ZNF496: variants seen among roughly 807,000 people sequenced by gnomAD.
ZNF496 encodes the protein zinc finger protein 496.
ZNF496 carries 11 observed loss-of-function variants against 58.9 expected under a neutral mutation model. That is an observed-to-expected ratio of 0.19 (90% CI 0.12 to 0.31). The LOEUF (loss-of-function observed/expected upper bound fraction) is 0.31, where lower values mean the gene tolerates loss of function less well. ZNF496 is among the 10% of genes least tolerant of loss of function. The pLI, the probability that ZNF496 is intolerant of heterozygous loss-of-function variation, is 1.00. For synonymous variants in ZNF496, 338 were observed against 318.2 expected (o/e 1.06, Z -0.66); for missense variants, 660 against 783.0 (o/e 0.84, Z 1.88).
At chr1:247,321,707 G>A (rs1039043102) in intron 6 of ZNF496, among the ~76,000 whole-genome samples, 1 of 152,220 alleles carries the variant, frequency 6.6e-6, no homozygotes, top group Non-Finnish European at 1.5e-5. Context: ...TGCAGGAATT[G>A]AAAGATGAAG....
At chr1:247,301,942 C>G (rs4925615) in intron 9 of ZNF496, among the ~76,000 whole-genome samples, 92,791 of 151,904 alleles carry the variant, frequency 0.61, 28,840 homozygotes, top group Middle Eastern at 0.8. Context: ...TCCCCGGCTC[C>G]CAGTAGCACC....
chr1:247,304,111 C>G (rs1190449386), intron 9 of ZNF496: 1 of 402,878 alleles, frequency 2.5e-6, no homozygotes, highest in African/African-American at 2.1e-5. Flanking sequence ...TTCTGGGATT[C>G]TACAAACTGG....
chr1:247,324,197 TA>T (rs1220276592), intron 5 of ZNF496, among the ~76,000 whole-genome samples: 2 of 151,858 alleles, frequency 1.3e-5, no homozygotes, highest in Admixed American at 1.3e-4. Context: ...AAAGACATGC[TA>T]CGAGCAATAA....
Position 247,323,242 on chromosome 1 carries a change from C to G in ZNF496, c.575-12G>C. 1 of 1,612,590 alleles carries G rather than the reference C, an allele frequency of 6.2e-7. No individual in the cohort carries two copies. Among genetic ancestry groups the G allele is most frequent in the South Asian group, 1.1e-5 (1 of 91,018 alleles). Reference sequence around the variant, plus strand: ...AGCATCTTGCAGAACTGAAAGAGATCAGAAAATGGTGTCCTAAAGTGGGCC... The same window carrying G: ...AGCATCTTGCAGAACTGAAAGAGATGAGAAAATGGTGTCCTAAAGTGGGCC... On this transcript the variant is annotated splice_polypyrimidine_tract_variant and intron_variant, in intron 5 of 9. Coordinates refer to ENST00000682384, the MANE Select transcript of ZNF496 (RefSeq NM_032752.3).
At chr1:247,324,732 AT>A (rs969871844) in intron 5 of ZNF496, among the ~76,000 whole-genome samples, 8 of 151,652 alleles carry the variant, frequency 5.3e-5, no homozygotes, top group African/African-American at 1.5e-4. Context: ...AATACATACA[AT>A]TTTTTTTTGT....
chr1:247,320,860 T>G (rs1309677987), intron 6 of ZNF496, among the ~76,000 whole-genome samples: 4 of 151,912 alleles, frequency 2.6e-5, no homozygotes, highest in Admixed American at 2.0e-4. Flanking sequence ...CACATGGGAG[T>G]ATTATTCAAC....
At chr1:247,307,806 C>T (rs1659464303) in intron 9 of ZNF496, 2 of 985,222 alleles carry the variant, frequency 2.0e-6, no homozygotes, top group East Asian at 1.1e-4. Flanking sequence ...GAATCAGAGG[C>T]TTGGGTTTTG....
intron 9 of ZNF496, among the ~76,000 whole-genome samples, chr1:247,302,224 C>T: frequency 6.6e-6 from 1 of 151,986 alleles, no homozygotes. Flanking sequence ...GGCTTCATGA[C>T]TGTGGGGAGG....
intron 9 of ZNF496, chr1:247,307,888 A>G: frequency 2.0e-6 from 2 of 985,186 alleles, no homozygotes; most frequent in African/African-American, 3.5e-5. Context: ...AAGACGACTC[A>G]GAGTCTACAC....
intron 6 of ZNF496, among the ~76,000 whole-genome samples, chr1:247,316,161 T>C (rs1189742198): frequency 7.5e-6 from 1 of 133,534 alleles, no homozygotes; most frequent in African/African-American, 2.7e-5. Context: ...TGTGTGTGTG[T>C]GTGTGTGTGT....
At chr1:247,316,076 G>A (rs1439436582) in intron 6 of ZNF496, among the ~76,000 whole-genome samples, 1 of 151,728 alleles carries the variant, frequency 6.6e-6, no homozygotes, top group Non-Finnish European at 1.5e-5. Flanking sequence ...AATGGTAATT[G>A]CCCCAGTGAC....
chr1:247,301,325 C>T, intron 9 of ZNF496, 49 bp from the exon 10 acceptor site: 24 of 1,484,704 alleles, frequency 1.6e-5, no homozygotes, highest in Non-Finnish European at 2.1e-5. Context: ...GGCCACATCC[C>T]AGCCCCTATG....
intron 6 of ZNF496, among the ~76,000 whole-genome samples, chr1:247,321,188 A>G (rs1659951848): frequency 6.6e-6 from 1 of 152,154 alleles, no homozygotes; most frequent in South Asian, 2.1e-4. Flanking sequence ...GGGAAAAAAA[A>G]ACACGGAAGG....
chr1:247,329,177 T>G lies in ZNF496; in HGVS notation c.390+12A>C. On this transcript the variant is annotated intron_variant, in intron 4 of 9. Transcript: ENST00000682384. The surrounding 1 kb of genome is among the most constrained non-coding windows in gnomAD (Gnocchi z 5.5). ...GATCTCTACCCGTCCCAGCCCCACC[T>G]CTTCTACTCACCCACTGCCAGGGTC... The G allele has an allele frequency of 6.2e-7, 1 of 1,613,246 alleles. No individual in the cohort carries two copies.
intron 9 of ZNF496, among the ~76,000 whole-genome samples, chr1:247,306,698 G>A (rs1019885791): frequency 2.6e-5 from 4 of 151,720 alleles, no homozygotes; most frequent in African/African-American, 7.3e-5. Context: ...GACAGGTTTC[G>A]CCATGTTGGC....
intron 6 of ZNF496, among the ~76,000 whole-genome samples, chr1:247,315,638 G>A (rs1659743586): frequency 6.6e-6 from 1 of 152,108 alleles, no homozygotes. Context: ...GAGGGGGTGG[G>A]AGTGGGTAAG....
chr1:247,311,635 G>GTGC (rs1168916565), intron 6 of ZNF496: 1 of 152,214 alleles, frequency 6.6e-6, no homozygotes, highest in Non-Finnish European at 1.5e-5. Flanking sequence ...TCTTGATGCT[G>GTGC]TGCTCCCCAG....
intron 2 of ZNF496, among the ~76,000 whole-genome samples, chr1:247,330,722 A>C (rs899150941): frequency 1.3e-5 from 2 of 152,268 alleles, no homozygotes; most frequent in Non-Finnish European, 2.9e-5. Context: ...TAGGACCGGC[A>C]GTGCCTGCCA....
intron 2 of ZNF496, among the ~76,000 whole-genome samples, chr1:247,330,802 GGGGACTC>G (rs1645982386): frequency 6.6e-6 from 1 of 152,252 alleles, no homozygotes; most frequent in Non-Finnish European, 1.5e-5. Flanking sequence ...AGGTGGGAAG[GGGGACTC>G]GGGCCTCACT....
Sources: allele counts gnomAD v4.1 joint callset (sites outside exome capture counted in the v4.1 genomes callset), GRCh38; gene constraint gnomAD v4.1.1; non-coding constraint Gnocchi (gnomAD v3.1); transcripts MANE v1.5; gene names NCBI Gene and HGNC (gene_info 2026-07-23, HGNC 2026-07-21).